CADPS2: variants seen among roughly 807,000 people sequenced by gnomAD.
The protein encoded by CADPS2 is calcium dependent secretion activator 2, also known as calcium-dependent secretion activator 2.
In CADPS2, 93 loss-of-function variants were observed where a neutral mutation model predicts 172.5. That is an observed-to-expected ratio of 0.54 (90% CI 0.46 to 0.64). The LOEUF (loss-of-function observed/expected upper bound fraction) is 0.64. Among genes scored for constraint, CADPS2 ranks in the 30% least tolerant of loss-of-function variants. The pLI is 0.00. For synonymous variants in CADPS2, 546 were observed against 555.2 expected (o/e 0.98, Z 0.23); for missense variants, 1,420 against 1,565.9 (o/e 0.91, Z 1.57).
chr7:122,706,595 C>A (rs958966233), intron 2 of CADPS2, among the ~76,000 whole-genome samples: 1 of 146,568 alleles, frequency 6.8e-6, no homozygotes. Context: ...ATATATATAT[C>A]ACACACACTT....
At chr7:122,337,715 G>T (rs10225767) in intron 28 of CADPS2, among the ~76,000 whole-genome samples, 95,681 of 150,044 alleles carry the variant, frequency 0.64, 30,841 homozygotes, top group Non-Finnish European at 0.67. Context: ...ACCAGACAGC[G>T]GTAATTCGAG....
At chr7:122,633,445 G>A (rs1427458381) in intron 3 of CADPS2, among the ~76,000 whole-genome samples, 1 of 151,794 alleles carries the variant, frequency 6.6e-6, no homozygotes, top group Non-Finnish European at 1.5e-5. Flanking sequence ...TTTTTTGTTT[G>A]GTGTGTGTAT....
intron 9 of CADPS2, among the ~76,000 whole-genome samples, chr7:122,505,576 T>G (rs775405464): frequency 6.6e-6 from 1 of 152,184 alleles, no homozygotes; most frequent in Non-Finnish European, 1.5e-5. Context: ...CCAACAGACC[T>G]AGACTCTGTC....
chr7:122,791,560 T>C (rs1418726115), intron 1 of CADPS2, among the ~76,000 whole-genome samples: 1 of 152,204 alleles, frequency 6.6e-6, no homozygotes, highest in Non-Finnish European at 1.5e-5. Flanking sequence ...AGAAAGACTA[T>C]ACAGGATGCC....
chr7:122,620,783 G>T (rs2075514777), intron 5 of CADPS2, among the ~76,000 whole-genome samples: 1 of 152,072 alleles, frequency 6.6e-6, no homozygotes, highest in East Asian at 1.9e-4. Flanking sequence ...GGGTAAAGTA[G>T]ATTTAAAAAG....
intron 8 of CADPS2, among the ~76,000 whole-genome samples, chr7:122,551,699 T>C (rs2064326481): frequency 6.6e-6 from 1 of 152,134 alleles, no homozygotes; most frequent in South Asian, 2.1e-4. Flanking sequence ...GTTTGCTATA[T>C]TTTAAAGATA....
chr7:122,704,348 T>G (rs1462349411), intron 2 of CADPS2, among the ~76,000 whole-genome samples: 2 of 151,946 alleles, frequency 1.3e-5, no homozygotes, highest in African/African-American at 2.4e-5. Context: ...TCCTTACAGG[T>G]AGACTTTTTT....
At chr7:122,714,717 T>C (rs868699054) in intron 2 of CADPS2, among the ~76,000 whole-genome samples, 5 of 152,178 alleles carry the variant, frequency 3.3e-5, no homozygotes, top group African/African-American at 1.2e-4. Context: ...GTGTTTCGTA[T>C]AGTGTTCTTA....
intron 6 of CADPS2, among the ~76,000 whole-genome samples, chr7:122,598,817 G>C (rs1587718547): frequency 6.6e-6 from 1 of 152,082 alleles, no homozygotes. Context: ...ACCAGATACT[G>C]AGGATACGAT....
intron 8 of CADPS2, among the ~76,000 whole-genome samples, chr7:122,542,707 T>C (rs1475549305): frequency 6.6e-6 from 1 of 152,108 alleles, no homozygotes; most frequent in Non-Finnish European, 1.5e-5. Flanking sequence ...CCTCATTCAC[T>C]TTATTCATTA....
chr7:122,876,453 T>C (rs1439394864), intron 1 of CADPS2, among the ~76,000 whole-genome samples: 1 of 152,174 alleles, frequency 6.6e-6, no homozygotes, highest in Non-Finnish European at 1.5e-5. Flanking sequence ...CCTTGACCTC[T>C]TGGGCTCATG....
At chr7:122,731,786 G>A (rs1459774604) in intron 2 of CADPS2, among the ~76,000 whole-genome samples, 1 of 151,698 alleles carries the variant, frequency 6.6e-6, no homozygotes, top group Non-Finnish European at 1.5e-5. Context: ...TAAGTAGTTA[G>A]GTATGCTACC....
At chr7:122,372,768 A>G (rs762764845) in intron 25 of CADPS2, among the ~76,000 whole-genome samples, 13 of 152,220 alleles carry the variant, frequency 8.5e-5, no homozygotes, top group Non-Finnish European at 1.8e-4. Context: ...CAGTTAATAT[A>G]GAAACCGCAT....
intron 25 of CADPS2, among the ~76,000 whole-genome samples, chr7:122,361,245 TTAA>T (rs1219558335): frequency 2.1e-5 from 3 of 139,592 alleles, no homozygotes; most frequent in Admixed American, 1.4e-4. Context: ...TTTTTTTTTT[TTAA>T]AATGAGATGG....
intron 1 of CADPS2, among the ~76,000 whole-genome samples, chr7:122,805,604 T>A (rs1467551810): frequency 6.6e-6 from 1 of 152,202 alleles, no homozygotes; most frequent in African/African-American, 2.4e-5. Context: ...CCTTCCAAAA[T>A]TGCCTTCTCT....
intron 14 of CADPS2, among the ~76,000 whole-genome samples, chr7:122,460,775 A>G (rs915378424): frequency 2.6e-5 from 4 of 152,210 alleles, no homozygotes; most frequent in Admixed American, 2.6e-4. Context: ...GAAGTAATCA[A>G]GCAGAGCTCA....
At chr7:122,377,928 C>T (rs962631255) in intron 25 of CADPS2, among the ~76,000 whole-genome samples, 8 of 151,848 alleles carry the variant, frequency 5.3e-5, no homozygotes, top group East Asian at 1.9e-4. Context: ...AATTTGAAAA[C>T]TACAAAAAAA....
chr7:122,686,886 T>C (rs1021789551), intron 2 of CADPS2, among the ~76,000 whole-genome samples: 2 of 152,142 alleles, frequency 1.3e-5, no homozygotes, highest in Non-Finnish European at 2.9e-5. Flanking sequence ...GGTTTTACCA[T>C]GTTGGCCAGG....
intron 1 of CADPS2, among the ~76,000 whole-genome samples, chr7:122,800,874 C>G (rs1157245858): frequency 6.6e-6 from 1 of 151,798 alleles, no homozygotes; most frequent in Non-Finnish European, 1.5e-5. Flanking sequence ...GCCTGTAATC[C>G]CAGCTACTTG....
Sources: gnomAD v4.1 joint callset for allele counts (sites outside exome capture counted in the v4.1 genomes callset) on GRCh38, gnomAD v4.1.1 for gene constraint, MANE v1.5 for transcripts, NCBI Gene and HGNC (gene_info 2026-07-23, HGNC 2026-07-21) for gene names.